Variants in POU2F2 observed in about 807,000 individuals in gnomAD.
POU2F2 encodes POU domain, class 2, transcription factor 2.
Under a neutral mutation model 63.5 loss-of-function variants are expected in POU2F2, and 14 were observed. That is an observed-to-expected ratio of 0.22 (90% CI 0.15 to 0.34). POU2F2 has a LOEUF of 0.34. Among genes scored for constraint, POU2F2 ranks in the 10% least tolerant of loss-of-function variants. The pLI is 1.00. For missense variants in POU2F2, 607 were observed against 815.2 expected (o/e 0.74, Z 3.11); for synonymous variants, 306 against 348.6 (o/e 0.88, Z 1.36).
chr19:42,125,838 T>C (rs1295752043), intron 1 of POU2F2, among the ~76,000 whole-genome samples: 4 of 152,184 alleles, frequency 2.6e-5, no homozygotes, highest in Non-Finnish European at 4.4e-5. Flanking sequence ...TCTTCACCCA[T>C]GTCGAGCATC....
rs1262969707 is a variant in POU2F2, at chr19:42,091,996, G to C, written c.1467-56C>G. 8 of 1,537,912 alleles carry C rather than the reference G, an allele frequency of 5.2e-6. No individual in the cohort carries two copies. In the East Asian group the frequency reaches 1.9e-4, roughly 36 times the overall value. ...GGGCAGGGACCTGCCAACATAACTG[G>C]GGTGCCGCTCCCCACCCTAGAAGCA... On this transcript the variant is annotated intron_variant, in intron 13 of 14. Coordinates refer to ENST00000692977, the MANE Select transcript of POU2F2 (RefSeq NM_001394376.1).
chr19:42,172,366 G>A (rs1022270727), intron 1 of POU2F2, among the ~76,000 whole-genome samples: 4 of 152,142 alleles, frequency 2.6e-5, no homozygotes, highest in African/African-American at 9.7e-5. Context: ...GTTAAGGAGT[G>A]ATCATACCAC....
chr19:42,194,297 G>T (rs1326177277), intron 1 of POU2F2, among the ~76,000 whole-genome samples: 1 of 152,188 alleles, frequency 6.6e-6, no homozygotes, highest in African/African-American at 2.4e-5. Flanking sequence ...GAGGTGGATT[G>T]CTTGAGCCCA....
chr19:42,194,587 C>G (rs932849619), intron 1 of POU2F2, among the ~76,000 whole-genome samples: 1 of 151,614 alleles, frequency 6.6e-6, no homozygotes, highest in African/African-American at 2.4e-5. Flanking sequence ...GGTGAAACCC[C>G]ACCTCTACTA....
At chr19:42,166,587 CAG>C (rs1223285585) in intron 1 of POU2F2, among the ~76,000 whole-genome samples, 6 of 152,050 alleles carry the variant, frequency 3.9e-5, no homozygotes, top group African/African-American at 1.2e-4. Context: ...CAGGGGCCAT[CAG>C]AGTGTATGCT....
At chr19:42,132,591 A>T (rs931190747), upstream of POU2F2, 4 of 481,244 alleles carry the variant, frequency 8.3e-6, no homozygotes, top group Non-Finnish European at 1.1e-5. Flanking sequence ...ACCCCAAATC[A>T]TGTGTGTGTG....
chr19:42,171,393 T>C, intron 1 of POU2F2, among the ~76,000 whole-genome samples: 1 of 151,894 alleles, frequency 6.6e-6, no homozygotes, highest in East Asian at 1.9e-4. Context: ...AGTATATGGT[T>C]GTATATATGG....
In POU2F2 at chr19:42,096,001, C is replaced by T; in HGVS notation, c.730-72G>A. On this transcript the variant is annotated intron_variant, in intron 8 of 14. Transcript: ENST00000692977. The surrounding 1 kb of genome is among the most constrained non-coding windows in gnomAD (Gnocchi z 4.1). ...CCGGCACTGGGCCCGCTCCGCCCGCCCACTGGCCACGCCCCTCGCGGCATC... is the reference window on the plus strand; with the variant it reads ...CCGGCACTGGGCCCGCTCCGCCCGCTCACTGGCCACGCCCCTCGCGGCATC... 1.3e-6 allele frequency: 2 copies of T among 1,594,706 alleles called. No homozygotes were observed. The highest frequency in any genetic ancestry group is 8.5e-7 in the Non-Finnish European group (1 of 1,171,948).
chr19:42,185,267 C>G (rs1421902157), intron 1 of POU2F2, among the ~76,000 whole-genome samples: 1 of 152,096 alleles, frequency 6.6e-6, no homozygotes, highest in African/African-American at 2.4e-5. Flanking sequence ...GCCTCCACAT[C>G]TCCTGCTTGG....
intron 1 of POU2F2, among the ~76,000 whole-genome samples, chr19:42,194,033 C>T (rs530430297): frequency 1.3e-5 from 2 of 152,258 alleles, no homozygotes; most frequent in South Asian, 4.1e-4. Flanking sequence ...GGTATGATTC[C>T]ATTTATATTA....
intron 1 of POU2F2, among the ~76,000 whole-genome samples, chr19:42,188,490 G>A (rs1232349644): frequency 1.3e-5 from 2 of 151,794 alleles, no homozygotes; most frequent in South Asian, 2.1e-4. Context: ...GGCCAACATG[G>A]TGAAATCCCA....
In POU2F2 at chr19:42,194,506, C is replaced by G. The variant is rs187119868; in HGVS notation, c.-70+1877G>C. 9.2e-5 allele frequency among the ~76,000 whole-genome samples: 14 copies of G among 151,374 alleles called. No individual in the cohort carries two copies. The East Asian group carries it at 2.6e-3, about 28-fold the overall frequency. ...GGGTGCCGTGGCTCATGCCTGTAAT[C>G]CCAGCACTTTGGGAGGCCGAGGCTG... On this transcript the variant is annotated intron_variant, in intron 1 of 5. Transcript: ENST00000532176.
At chr19:42,102,481 G>A (rs1194642131) in intron 5 of POU2F2, among the ~76,000 whole-genome samples, 5 of 152,008 alleles carry the variant, frequency 3.3e-5, no homozygotes, top group Non-Finnish European at 7.4e-5. Flanking sequence ...ACAGGGCCAG[G>A]CACAGTGGTA....
chr19:42,100,525 C>T lies in POU2F2; in HGVS notation c.370-704G>A, dbSNP rs554895675. On this transcript the variant is annotated intron_variant, in intron 5 of 14. Transcript: ENST00000692977. ...CAGCAATTTGGGAGGCTGAGGCAGG[C>T]GGACACACCTGAGGCCAGGCGTTTA... 3.9e-4 allele frequency among the ~76,000 whole-genome samples: 59 copies of T among 152,000 alleles called. 2 individuals carry two copies. Among genetic ancestry groups the T allele is most frequent in the African/African-American group, 1.3e-3 (53 of 41,480 alleles).
intron 2 of POU2F2, among the ~76,000 whole-genome samples, chr19:42,157,991 A>G (rs940008514): frequency 1.3e-5 from 2 of 152,184 alleles, no homozygotes; most frequent in African/African-American, 4.8e-5. Flanking sequence ...AGGCCTCCAG[A>G]CATGTTTGGG....
intron 1 of POU2F2, among the ~76,000 whole-genome samples, chr19:42,190,958 T>C (rs1162533791): frequency 6.6e-6 from 1 of 151,764 alleles, no homozygotes. Flanking sequence ...TCCCAGCTAC[T>C]TGGGAGGCTG....
In POU2F2 at chr19:42,092,647, G is replaced by A. The variant is rs924108961; in HGVS notation, c.1265-377C>T. ...GCCACATCTGAGGGATGGGCAACCTGGCAGGGGCTGAGGGCCCAGACTCAG... is the reference window on the plus strand; with the variant it reads ...GCCACATCTGAGGGATGGGCAACCTAGCAGGGGCTGAGGGCCCAGACTCAG... On this transcript the variant is annotated intron_variant, in intron 12 of 14. Transcript: ENST00000692977. This position sits in a 1 kb window ranked among gnomAD's most constrained non-coding sequence, Gnocchi z 5.0. Among the ~76,000 whole-genome samples the A allele has an allele frequency of 6.6e-6, 1 of 151,840 alleles. No homozygotes were observed. The highest frequency in any genetic ancestry group is 6.6e-5 in the Admixed American group (1 of 15,230).
chr19:42,179,804 C>T (rs1259281708), upstream of POU2F2, among the ~76,000 whole-genome samples: 1 of 152,134 alleles, frequency 6.6e-6, no homozygotes, highest in African/African-American at 2.4e-5. Flanking sequence ...TACCCAGGAC[C>T]TGTGCAGCGT....
chr19:42,092,252 G>A lies in POU2F2; in HGVS notation c.1283C>T (p.Ala428Val). 1.3e-6 allele frequency: 2 copies of A among 1,558,182 alleles called. No homozygotes were observed. The highest frequency in any genetic ancestry group is 1.7e-6 in the Non-Finnish European group (2 of 1,149,726). ...CCGGCTGGGGTGGAGCGTCCCCACA[G>A]CTGAGGATAAGGTAGTAACTGCCAG... ...LSTTVTTLSS[A>V]VGTLHPSRTA... is the part of the protein sequence containing the mutation. Residue 428 changes from alanine (A) to valine (V), a missense_variant, in exon 13 of 15, where the codon GCT becomes GTT. Coordinates refer to ENST00000692977, the MANE Select transcript of POU2F2 (RefSeq NM_001394376.1). This position sits in a 1 kb window ranked among gnomAD's most constrained non-coding sequence, Gnocchi z 5.0.
Sources: gnomAD v4.1 joint callset for allele counts (sites outside exome capture counted in the v4.1 genomes callset) on GRCh38, gnomAD v4.1.1 for gene constraint, Gnocchi (gnomAD v3.1) non-coding constraint, MANE v1.5 for transcripts, NCBI Gene and HGNC (gene_info 2026-07-23, HGNC 2026-07-21) for gene names.